MAP4K1: variants seen among roughly 807,000 people sequenced by gnomAD.
The protein encoded by MAP4K1 is mitogen-activated protein kinase kinase kinase kinase 1.
A neutral mutation model predicts 122.8 loss-of-function variants in MAP4K1; 35 were observed. That is an observed-to-expected ratio of 0.29 (90% CI 0.22 to 0.38). The LOEUF (loss-of-function observed/expected upper bound fraction) is 0.38, where lower values mean the gene tolerates loss of function less well. Among genes scored for constraint, MAP4K1 ranks in the 10% least tolerant of loss-of-function variants. The pLI, the probability that MAP4K1 is intolerant of heterozygous loss-of-function variation, is 1.00. For missense variants in MAP4K1, 791 were observed against 1,072.6 expected (o/e 0.74, Z 3.67); for synonymous variants, 412 against 421.3 (o/e 0.98, Z 0.27).
chr19:38,609,476 G>A, intron 13 of MAP4K1, 120 bp downstream of exon 13: 1 of 851,826 alleles, frequency 1.2e-6, no homozygotes, highest in Non-Finnish European at 1.9e-6. Context: ...GAGATTGTCT[G>A]GGGTCTCTTA....
intron 16 of MAP4K1, among the ~76,000 whole-genome samples, chr19:38,607,420 C>T (rs928869913): frequency 8.6e-5 from 13 of 151,724 alleles, no homozygotes; most frequent in African/African-American, 3.1e-4. Context: ...ATTAGCTGGG[C>T]ATGGTGGCAG....
chr19:38,602,507 C>T (rs868842848), intron 19 of MAP4K1, among the ~76,000 whole-genome samples: 2 of 149,472 alleles, frequency 1.3e-5, no homozygotes, highest in South Asian at 4.2e-4. Flanking sequence ...CATATATACA[C>T]GTGTACATAT....
chr19:38,595,791 A>C, intron 27 of MAP4K1, 62 bp from the exon 28 acceptor site: 1 of 1,497,696 alleles, frequency 6.7e-7, no homozygotes, highest in Non-Finnish European at 9.2e-7. Context: ...CTAAGGGACC[A>C]ATCCATAAAT....
chr19:38,601,191 C>G (rs1011039989), intron 20 of MAP4K1, among the ~76,000 whole-genome samples: 7 of 152,000 alleles, frequency 4.6e-5, no homozygotes, highest in Non-Finnish European at 8.8e-5. Context: ...TCAAATGATT[C>G]ACCCGCCTCA....
intron 30 of MAP4K1, 125 bp from the exon 31 acceptor site, chr19:38,587,942 CA>C: frequency 1.4e-6 from 1 of 731,378 alleles, no homozygotes; most frequent in Non-Finnish European, 2.5e-6. Flanking sequence ...AATGGGCAGA[CA>C]CGGTCCCTGC....
Position 38,595,666 on chromosome 19 carries a change from G to T in MAP4K1, c.2243C>A (p.Pro748His). 6.2e-7 allele frequency: 1 copy of T among 1,613,448 alleles called. No homozygotes were observed. Among genetic ancestry groups the T allele is most frequent in the Non-Finnish European group, 8.5e-7 (1 of 1,179,586 alleles). The part of the protein sequence containing the change: ...PVRGLRTPEI[P>H]MTEAVEAVAM... The stretch of plus-strand genomic sequence containing the variant: ...CACGGCCTCCACCGCTTCGGTCATG[G>T]GGATCTCAGGTGTGCGAAGTCCCCG... Residue 748 changes from proline (P) to histidine (H), a missense_variant, in exon 28 of 31, where the codon CCC becomes CAC. Transcript: ENST00000396857.
At position 38,596,330 on chromosome 19, in the gene MAP4K1, G is replaced by T. The variant is rs953421440; in HGVS notation, c.2098C>A (p.Leu700Met). 2 of 1,592,524 alleles carry T rather than the reference G, an allele frequency of 1.3e-6. No individual in the cohort carries two copies. The highest frequency in any genetic ancestry group is 1.7e-6 in the Non-Finnish European group (2 of 1,169,124). ...TVRFGALSCWLGEMSTEHRGP... is the reference protein window; with the variant it reads ...TVRFGALSCWMGEMSTEHRGP... Reference sequence around the variant, plus strand: ...CACTCACCGGTGCTCATCTCGCCCAGCCAGCAAGAGAGCGCGCCAAAGCGC... The same window carrying T: ...CACTCACCGGTGCTCATCTCGCCCATCCAGCAAGAGAGCGCGCCAAAGCGC... Residue 700 changes from leucine (L) to methionine (M), a missense_variant, in exon 26 of 31, where the codon CTG becomes ATG. Around this residue, in one of 4 missense-constraint regions of MAP4K1, gnomAD observed 267 missense variants for 323.0 expected, o/e 0.83. Transcript: ENST00000396857.
At chr19:38,592,356 C>T (rs1441149855) in intron 30 of MAP4K1, 1 of 151,920 alleles carries the variant, frequency 6.6e-6, no homozygotes, top group Non-Finnish European at 1.5e-5. Context: ...AGCTGGATCA[C>T]CTGAGGTCAG....
At position 38,601,418 on chromosome 19, in the gene MAP4K1, C is replaced by T. The variant is rs775637589; in HGVS notation, c.1531+23G>A. 6 of 1,590,600 alleles carry T rather than the reference C, an allele frequency of 3.8e-6. No individual in the cohort carries two copies. In the Admixed American group the frequency reaches 7.0e-5, roughly 19 times the overall value. On this transcript the variant is annotated intron_variant, in intron 20 of 30. Coordinates refer to ENST00000396857, the MANE Select transcript of MAP4K1 (RefSeq NM_001042600.3). Reference sequence around the variant, plus strand: ...TGCTCTCCCATTCCCTACAGGATCTCCTTGACCCTCCAGAATGCCCACCCT... The same window carrying T: ...TGCTCTCCCATTCCCTACAGGATCTTCTTGACCCTCCAGAATGCCCACCCT...
intron 19 of MAP4K1, among the ~76,000 whole-genome samples, chr19:38,602,545 C>CAT (rs563491207): frequency 7.4e-4 from 109 of 146,410 alleles, no homozygotes; most frequent in Non-Finnish European, 1.1e-3. Context: ...TACACATATA[C>CAT]ATATATATAC....
chr19:38,607,166 G>C (rs1386140687), intron 16 of MAP4K1, among the ~76,000 whole-genome samples: 1 of 152,054 alleles, frequency 6.6e-6, no homozygotes, highest in Non-Finnish European at 1.5e-5. Flanking sequence ...TCAAGTCAGA[G>C]ATTGGAGCAG....
intron 30 of MAP4K1, among the ~76,000 whole-genome samples, chr19:38,590,394 A>AATATATATATATATATAT (rs1163055879): frequency 1.2e-4 from 2 of 17,286 alleles, no homozygotes; most frequent in Non-Finnish European, 2.1e-4. Flanking sequence ...AAAAAAAAAA[A>AATATATATATATATATAT]ATATATATAT....
intron 11 of MAP4K1, among the ~76,000 whole-genome samples, chr19:38,610,743 G>A (rs1052020397): frequency 9.9e-5 from 15 of 152,112 alleles, no homozygotes; most frequent in Admixed American, 5.9e-4. Flanking sequence ...TTCTCAGAGC[G>A]GGGCTAGGAG....
At chr19:38,602,553 T>G (rs967428512) in intron 19 of MAP4K1, among the ~76,000 whole-genome samples, 3 of 145,078 alleles carry the variant, frequency 2.1e-5, no homozygotes, top group African/African-American at 7.7e-5. Flanking sequence ...TACATATATA[T>G]ACACACATAT....
In MAP4K1 at chr19:38,594,455, C is replaced by A. The variant is rs143824122; in HGVS notation, c.2340+1030G>T. On this transcript the variant is annotated intron_variant, in intron 29 of 30. Transcript: ENST00000396857. ...AGGAGTTCGAGACCAGTCTGGCCAACATGACAAAACCCCGTCTCTACTAAA... is the reference window on the plus strand; with the variant it reads ...AGGAGTTCGAGACCAGTCTGGCCAAAATGACAAAACCCCGTCTCTACTAAA... Among the ~76,000 whole-genome samples, 1,222 of 152,154 alleles carry A rather than the reference C, an allele frequency of 8.0e-3. 32 individuals are homozygous for A. The highest frequency in any genetic ancestry group is 0.06 in the East Asian group (309 of 5,182).
In MAP4K1 at chr19:38,617,300, G is replaced by T; in HGVS notation, c.248+54C>A. On this transcript the variant is annotated intron_variant, in intron 3 of 30. Coordinates refer to ENST00000396857, the MANE Select transcript of MAP4K1 (RefSeq NM_001042600.3). This position sits in a 1 kb window ranked among gnomAD's most constrained non-coding sequence, Gnocchi z 4.1. The stretch of plus-strand genomic sequence containing the variant: ...TGAGGGTACCCCCATCAAGAAATGG[G>T]GACTCCGGGTTAGGGGCTGGGCTGG... 8.2e-7 allele frequency: 1 copy of T among 1,220,478 alleles called. No homozygotes were observed. The highest frequency in any genetic ancestry group is 1.2e-6 in the Non-Finnish European group (1 of 822,226). 75.6% of individuals were successfully genotyped at this position (1,220,478 alleles called of 1,614,324 possible).
intron 20 of MAP4K1, among the ~76,000 whole-genome samples, chr19:38,600,877 C>G (rs1975040991): frequency 1.3e-5 from 2 of 148,230 alleles, no homozygotes; most frequent in Admixed American, 1.4e-4. Flanking sequence ...ATGATCTCAG[C>G]TCACTGCAAC....
Position 38,609,538 on chromosome 19 carries a change from G to A in MAP4K1, c.1006+58C>T, listed in dbSNP as rs564292323. Reference sequence around the variant, plus strand: ...TGGAGGCCTGATGGTAGGGGAAGGTGGTCTCTTAGGTCTATTATAGGGTCA... The same window carrying A: ...TGGAGGCCTGATGGTAGGGGAAGGTAGTCTCTTAGGTCTATTATAGGGTCA... On this transcript the variant is annotated intron_variant, in intron 13 of 30. Transcript: ENST00000396857. 1.1e-5 allele frequency: 16 copies of A among 1,462,838 alleles called. 1 individual carries two copies. The highest frequency in any genetic ancestry group is 1.7e-4 in the Middle Eastern group (1 of 5,824). The allele number at this position is 1,462,838 out of a possible 1,614,324, so 90.6% of individuals were successfully genotyped here.
chr19:38,614,064 C>T lies in MAP4K1; in HGVS notation c.439G>A (p.Asp147Asn). 1 of 1,613,466 alleles carries T rather than the reference C, an allele frequency of 6.2e-7. No homozygotes were observed. Among genetic ancestry groups the T allele is most frequent in the South Asian group, 1.1e-5 (1 of 91,026 alleles). Residue 147 changes from aspartate (D) to asparagine (N), a missense_variant, in exon 7 of 31, where the codon GAT (aspartate) becomes AAT (asparagine). By Grantham distance (23) the Asp-to-Asn change is conservative. Transcript: ENST00000396857. ...DIKGANILIN[D>N]AGEVRLADFG... ...TCACCCAATCTGACCTCCCCAGCATCATTGATGAGGATGTTAGCTCCCTGG... is the reference window on the plus strand; with the variant it reads ...TCACCCAATCTGACCTCCCCAGCATTATTGATGAGGATGTTAGCTCCCTGG...
Sources: allele counts gnomAD v4.1 joint callset (sites outside exome capture counted in the v4.1 genomes callset), GRCh38; gene constraint gnomAD v4.1.1; regional missense constraint gnomAD v4.1.1; non-coding constraint Gnocchi (gnomAD v3.1); transcripts MANE v1.5; gene names NCBI Gene and HGNC (gene_info 2026-07-23, HGNC 2026-07-21).